Variants in RERE observed in about 807,000 individuals in gnomAD.
RERE encodes arginine-glutamic acid dipeptide repeats, also known as arginine-glutamic acid dipeptide repeats protein.
In RERE, 40 loss-of-function variants were observed where a neutral mutation model predicts 146.1. The observed-to-expected ratio is 0.27, with a 90% CI of 0.21 to 0.36. RERE has a LOEUF of 0.36. RERE is among the 10% of genes least tolerant of loss of function. RERE has a pLI of 1.00. For missense variants in RERE, 1,933 were observed against 2,138.7 expected (o/e 0.90, Z 1.90); for synonymous variants, 1,003 against 866.0 (o/e 1.16, Z -2.78).
chr1:8,669,774 G>T (rs922357364), intron 1 of RERE, among the ~76,000 whole-genome samples: 2 of 152,126 alleles, frequency 1.3e-5, no homozygotes, highest in Admixed American at 6.6e-5. Flanking sequence ...AGTTGGACAG[G>T]GTTTCTTTCA....
chr1:8,590,834 C>T (rs1162157494), intron 4 of RERE: 1 of 152,224 alleles, frequency 6.6e-6, no homozygotes, highest in Non-Finnish European at 1.5e-5. Context: ...CTCAGCCACG[C>T]TGATTCACAG....
rs904648883 is a variant in RERE at position 8,422,611 on chromosome 1, G to A, written c.1284+116C>T. 89 of 727,976 alleles carry A rather than the reference G, an allele frequency of 1.2e-4. No individual in the cohort carries two copies. In the African/African-American group the frequency reaches 1.4e-3, roughly 11 times the overall value. The allele number at this position is 727,976 out of a possible 1,614,324, so 45.1% of individuals were successfully genotyped here. On this transcript the variant is annotated intron_variant, in intron 12 of 22. Coordinates refer to ENST00000400908, the MANE Select transcript of RERE (RefSeq NM_001042681.2). The stretch of plus-strand genomic sequence containing the variant: ...AAAACGGAGAGAATTCTGGAGGCCA[G>A]CCCGAGTCTGAGCACAGCGCAGGGT...
intron 4 of RERE, among the ~76,000 whole-genome samples, chr1:8,614,050 A>G (rs922485376): frequency 5.9e-5 from 9 of 152,192 alleles, no homozygotes; most frequent in African/African-American, 1.9e-4. Context: ...TAAGAAGTAT[A>G]GCTACAGCCC....
intron 7 of RERE, among the ~76,000 whole-genome samples, chr1:8,527,828 G>C (rs1431704225): frequency 6.6e-6 from 1 of 151,818 alleles, no homozygotes; most frequent in Non-Finnish European, 1.5e-5. Flanking sequence ...CCACACCCCA[G>C]ATCTCCTCTC....
chr1:8,529,287 C>CTTTTTTTTTTTTTTTTTTT (rs34547801), intron 7 of RERE, among the ~76,000 whole-genome samples: 4 of 102,440 alleles, frequency 3.9e-5, no homozygotes, highest in African/African-American at 1.5e-4. Flanking sequence ...GTTCTCCCTT[C>CTTTTTTTTTTTTTTTTTTT]TTTTTTTTTT....
chr1:8,777,905 ACTT>A (rs990148379), intron 1 of RERE, among the ~76,000 whole-genome samples: 86 of 151,568 alleles, frequency 5.7e-4, no homozygotes, highest in African/African-American at 1.6e-3. Context: ...AAAAAAAAAA[ACTT>A]CAACTACCCA....
At chr1:8,515,807 A>T (rs766512434) in intron 7 of RERE, among the ~76,000 whole-genome samples, 2 of 152,178 alleles carry the variant, frequency 1.3e-5, no homozygotes, top group Middle Eastern at 3.2e-3. Flanking sequence ...AGACATATAA[A>T]GGATACTACT....
chr1:8,577,162 CAAA>C (rs1044225948), intron 4 of RERE, among the ~76,000 whole-genome samples: 2 of 117,444 alleles, frequency 1.7e-5, no homozygotes. Flanking sequence ...GAGAGAGACT[CAAA>C]AAAAAAAAAA....
intron 1 of RERE, among the ~76,000 whole-genome samples, chr1:8,700,078 G>A (rs1194273168): frequency 3.3e-5 from 5 of 152,132 alleles, no homozygotes; most frequent in South Asian, 2.1e-4. Context: ...AGGCCGAGGC[G>A]AGTGGATCAC....
chr1:8,504,845 T>C lies in RERE; in HGVS notation c.879+3782A>G, dbSNP rs865791030. Among the ~76,000 whole-genome samples the C allele has an allele frequency of 2.8e-4, 43 of 151,276 alleles. No homozygotes were observed. The South Asian group carries it at 3.3e-3, about 12-fold the overall frequency. On this transcript the variant is annotated intron_variant, in intron 8 of 22. Transcript: ENST00000400908. ...TCCAGCCTGGGCGACCGAGTGAGACTCCGTCTCAAAAAAAAAAAATAAATG... is the reference window on the plus strand; with the variant it reads ...TCCAGCCTGGGCGACCGAGTGAGACCCCGTCTCAAAAAAAAAAAATAAATG...
intron 4 of RERE, among the ~76,000 whole-genome samples, chr1:8,611,281 A>T (rs2124182831): frequency 6.6e-6 from 1 of 152,228 alleles, no homozygotes; most frequent in Non-Finnish European, 1.5e-5. Context: ...AGATGAGAGG[A>T]TCACTTGAGG....
rs1165604109 is a variant in RERE, at chr1:8,352,413, A to G, written c.*2674T>C. On this transcript the variant is annotated 3_prime_UTR_variant, in exon 23 of 23. Coordinates refer to ENST00000400908, the MANE Select transcript of RERE (RefSeq NM_001042681.2). ...GGGAGACACCCAAGGGTTGTAGTGT[A>G]GCTTGGTTTTATTTATGTCCACAAA... 6.6e-6 allele frequency: 1 copy of G among 152,474 alleles called. No individual in the cohort carries two copies. Among genetic ancestry groups the G allele is most frequent in the Non-Finnish European group, 1.5e-5 (1 of 68,036 alleles). The allele number at this position is 152,474 out of a possible 1,614,324, so 9.4% of individuals were successfully genotyped here. A position where few individuals can be genotyped will look rare whatever the true frequency, so the allele number is the denominator to read the frequency against.
chr1:8,789,395 GCTA>G (rs1325565282), intron 1 of RERE, among the ~76,000 whole-genome samples: 1 of 146,466 alleles, frequency 6.8e-6, no homozygotes, highest in Non-Finnish European at 1.5e-5. Context: ...CTGTCCTGTG[GCTA>G]CTACCTCTCT....
intron 3 of RERE, among the ~76,000 whole-genome samples, chr1:8,618,072 T>C (rs1457137142): frequency 6.6e-6 from 1 of 152,204 alleles, no homozygotes; most frequent in East Asian, 1.9e-4. Flanking sequence ...CAGTTAAATG[T>C]TACTTCATTC....
chr1:8,686,578 C>T (rs1365469926), intron 1 of RERE, among the ~76,000 whole-genome samples: 2 of 152,088 alleles, frequency 1.3e-5, no homozygotes, highest in East Asian at 3.9e-4. Context: ...GGTGAAACCC[C>T]ATCTCCACTA....
In RERE at chr1:8,529,287, C is replaced by CTTTTTTTTTTTTTT. The variant is rs34547801; in HGVS notation, c.830+11913_830+11926dup. On this transcript the variant is annotated intron_variant, in intron 7 of 22. Coordinates refer to ENST00000400908, the MANE Select transcript of RERE (RefSeq NM_001042681.2). Reference sequence around the variant, plus strand: ...CCTCCACAACCATCAGTTCTCCCTTCTTTTTTTTTTTTTTTTTTTTGAGAT... The same window carrying CTTTTTTTTTTTTTT: ...CCTCCACAACCATCAGTTCTCCCTTCTTTTTTTTTTTTTTTTTTTTTTTTTTTTTTTTTTGAGAT... Among the ~76,000 whole-genome samples, 70 of 102,422 alleles carry CTTTTTTTTTTTTTT rather than the reference C, an allele frequency of 6.8e-4. 2 individuals are homozygous for CTTTTTTTTTTTTTT. Among genetic ancestry groups the CTTTTTTTTTTTTTT allele is most frequent in the Middle Eastern group, 5.7e-3 (1 of 176 alleles). The allele number at this position is 102,422 out of a possible 152,430, so 67.2% of individuals were successfully genotyped here.
intron 7 of RERE, among the ~76,000 whole-genome samples, chr1:8,512,178 C>T (rs1430669178): frequency 6.7e-6 from 1 of 149,014 alleles, no homozygotes; most frequent in Non-Finnish European, 1.5e-5. Context: ...GGACTACAGG[C>T]GCCCGCCACC....
chr1:8,725,490 C>T (rs1007778952), intron 1 of RERE, among the ~76,000 whole-genome samples: 17 of 152,222 alleles, frequency 1.1e-4, no homozygotes, highest in African/African-American at 3.6e-4. Context: ...TGCTTGAACC[C>T]GGGAGGCAGA....
chr1:8,732,207 T>G lies in RERE; in HGVS notation c.-144-75766A>C, dbSNP rs777015270. Among the ~76,000 whole-genome samples the G allele has an allele frequency of 5.9e-5, 9 of 152,144 alleles. 1 individual carries two copies. Among genetic ancestry groups the G allele is most frequent in the Non-Finnish European group, 1.0e-4 (7 of 68,022 alleles). On this transcript the variant is annotated intron_variant, in intron 1 of 22. Coordinates refer to ENST00000400908, the MANE Select transcript of RERE (RefSeq NM_001042681.2). The stretch of plus-strand genomic sequence containing the variant: ...TGTCCATACAAAAATCTGCACAAAT[T>G]TTAGAGTAGTTTTATTCATAATCAG...
Sources: allele counts gnomAD v4.1 joint callset (sites outside exome capture counted in the v4.1 genomes callset), GRCh38; gene constraint gnomAD v4.1.1; transcripts MANE v1.5; gene names NCBI Gene and HGNC (gene_info 2026-07-23, HGNC 2026-07-21).